Variants in SLMAP observed in about 807,000 individuals in gnomAD.
SLMAP encodes the protein sarcolemmal membrane-associated protein.
A neutral mutation model predicts 128.8 loss-of-function variants in SLMAP; 44 were observed. The ratio of observed to expected loss-of-function variants is 0.34; its 90% confidence interval spans 0.27 to 0.44. The LOEUF is 0.44. Ranked by LOEUF, SLMAP falls within the 20% of genes least tolerant of loss-of-function variation. SLMAP has a pLI of 1.00. For missense variants in SLMAP, 787 were observed against 985.3 expected (o/e 0.80, Z 2.69); for synonymous variants, 327 against 348.8 (o/e 0.94, Z 0.70).
intron 3 of SLMAP, among the ~76,000 whole-genome samples, chr3:57,831,754 A>G (rs891039492): frequency 2.0e-5 from 3 of 152,150 alleles, no homozygotes; most frequent in Non-Finnish European, 4.4e-5. Flanking sequence ...ACAGTCAGGG[A>G]CCAGTCAGCT....
At chr3:57,913,802 AC>A (rs2096750727) in intron 21 of SLMAP, among the ~76,000 whole-genome samples, 1 of 152,214 alleles carries the variant, frequency 6.6e-6, no homozygotes, top group Non-Finnish European at 1.5e-5. Flanking sequence ...ACAAAAAAAT[AC>A]AAAAATTTAC....
chr3:57,810,675 C>T (rs759594120), intron 2 of SLMAP, among the ~76,000 whole-genome samples: 4 of 152,182 alleles, frequency 2.6e-5, no homozygotes, highest in East Asian at 1.9e-4. Context: ...CCAAGGTCGT[C>T]GGTGGCTTTC....
At chr3:57,869,660 AAT>A (rs1553900184) in intron 13 of SLMAP, among the ~76,000 whole-genome samples, 5 of 81,390 alleles carry the variant, frequency 6.1e-5, no homozygotes, top group African/African-American at 2.4e-4. Flanking sequence ...ATATATATAT[AAT>A]ATATATAAAC....
At chr3:57,859,946 G>C (rs926221603) in intron 8 of SLMAP, among the ~76,000 whole-genome samples, 1 of 152,178 alleles carries the variant, frequency 6.6e-6, no homozygotes, top group Non-Finnish European at 1.5e-5. Context: ...TTAGATTTCA[G>C]AATAATGAAT....
At chr3:57,888,871 ATCTGTTACTTTCTGTTTTTTTT>A (rs1560427064) in intron 14 of SLMAP, among the ~76,000 whole-genome samples, 3 of 151,914 alleles carry the variant, frequency 2.0e-5, no homozygotes, top group African/African-American at 7.3e-5. Context: ...CTTAATCAAA[ATCTGTTACTTTCTGTTTTTTTT>A]TCTTTTTTTC....
chr3:57,903,264 C>G (rs530664418), intron 17 of SLMAP, among the ~76,000 whole-genome samples: 1 of 152,270 alleles, frequency 6.6e-6, no homozygotes, highest in Admixed American at 6.5e-5. Context: ...CACACGTACC[C>G]ACAATGGAAA....
chr3:57,844,213 C>T (rs762252220), intron 4 of SLMAP, among the ~76,000 whole-genome samples: 61 of 151,984 alleles, frequency 4.0e-4, no homozygotes, highest in Admixed American at 7.2e-4. Flanking sequence ...GGCAACAGGG[C>T]AAAACCCCGT....
chr3:57,802,113 C>T (rs1158965106), intron 2 of SLMAP, among the ~76,000 whole-genome samples: 1 of 152,044 alleles, frequency 6.6e-6, no homozygotes, highest in Non-Finnish European at 1.5e-5. Context: ...AAATGTAAGT[C>T]AAGTACTTGA....
At chr3:57,762,415 A>C (rs537385712) in intron 2 of SLMAP, among the ~76,000 whole-genome samples, 1 of 152,256 alleles carries the variant, frequency 6.6e-6, no homozygotes, top group East Asian at 1.9e-4. Context: ...TTGAAACTTT[A>C]TGATTATTCA....
intron 15 of SLMAP, chr3:57,890,819 T>A (rs1345522178): frequency 2.6e-5 from 4 of 152,242 alleles, no homozygotes; most frequent in African/African-American, 9.6e-5. Flanking sequence ...CACAGTCCTT[T>A]TGGCCAATTA....
intron 15 of SLMAP, among the ~76,000 whole-genome samples, chr3:57,895,323 C>CT (rs1027761686): frequency 6.6e-6 from 1 of 151,376 alleles, no homozygotes; most frequent in African/African-American, 2.4e-5. Flanking sequence ...AATTTCAAAA[C>CT]TTTTTTTTTC....
intron 10 of SLMAP, among the ~76,000 whole-genome samples, chr3:57,862,324 AAAAC>A (rs528353708): frequency 3.1e-3 from 473 of 151,858 alleles, no homozygotes; most frequent in Non-Finnish European, 3.7e-3. Flanking sequence ...TCTCAAAGGA[AAAAC>A]AAACAAACAA....
At chr3:57,799,165 A>G (rs1355030594) in intron 2 of SLMAP, among the ~76,000 whole-genome samples, 1 of 152,240 alleles carries the variant, frequency 6.6e-6, no homozygotes, top group Non-Finnish European at 1.5e-5. Context: ...AAGGGATACA[A>G]TAACTGATGC....
chr3:57,812,027 C>G (rs1219030737), intron 2 of SLMAP, among the ~76,000 whole-genome samples: 1 of 152,076 alleles, frequency 6.6e-6, no homozygotes, highest in African/African-American at 2.4e-5. Flanking sequence ...CTGTGCGTTG[C>G]CTTTTTACTC....
chr3:57,861,725 A>G (rs1272286180), intron 9 of SLMAP, among the ~76,000 whole-genome samples: 2 of 151,420 alleles, frequency 1.3e-5, no homozygotes, highest in Non-Finnish European at 2.9e-5. Flanking sequence ...CTCTCCCTCC[A>G]CTTTTATTTT....
intron 2 of SLMAP, among the ~76,000 whole-genome samples, chr3:57,818,538 G>T (rs1321579579): frequency 3.9e-5 from 6 of 152,182 alleles, no homozygotes; most frequent in Non-Finnish European, 1.5e-5. Flanking sequence ...GTGAAAAAAT[G>T]CATGCAGAGT....
intron 6 of SLMAP, 42 bp downstream of exon 6, chr3:57,849,858 T>G (rs746994390): frequency 8.0e-6 from 9 of 1,126,280 alleles, no homozygotes; most frequent in Non-Finnish European, 1.1e-5. Context: ...AGAATTTCTT[T>G]TAAACTTTTA....
intron 17 of SLMAP, chr3:57,901,100 C>CT (rs1322913759): frequency 3.3e-5 from 5 of 152,256 alleles, no homozygotes; most frequent in African/African-American, 1.2e-4. Context: ...GGTCCTCACT[C>CT]TATCAGTTAT....
rs766744756 is a variant in SLMAP at position 57,897,056 on chromosome 3, A to C, written c.1501+124A>C. 22 of 1,463,036 alleles carry C rather than the reference A, an allele frequency of 1.5e-5. 2 individuals are homozygous for C. In the Admixed American group the frequency reaches 5.6e-4, roughly 37 times the overall value. 90.6% of individuals were successfully genotyped at this position (1,463,036 alleles called of 1,614,324 possible). A position where few individuals can be genotyped will look rare whatever the true frequency, so the allele number is the denominator to read the frequency against. On this transcript the variant is annotated intron_variant, in intron 17 of 24. Coordinates refer to ENST00000671191, the MANE Select transcript of SLMAP (RefSeq NM_001377540.1). ...TTAAGAGATTAAGATAGGTTCTGTA[A>C]AGTAGCAGGGACTAAAAATTTAAAG...
Sources: allele counts gnomAD v4.1 joint callset (sites outside exome capture counted in the v4.1 genomes callset), GRCh38; gene constraint gnomAD v4.1.1; transcripts MANE v1.5; gene names NCBI Gene and HGNC (gene_info 2026-07-23, HGNC 2026-07-21).